Variants in PTPRA observed in about 807,000 individuals in gnomAD.
PTPRA encodes receptor-type tyrosine-protein phosphatase alpha.
PTPRA carries 25 observed loss-of-function variants against 104.8 expected under a neutral mutation model. That is an observed-to-expected ratio of 0.24 (90% CI 0.17 to 0.33). The LOEUF (loss-of-function observed/expected upper bound fraction) is 0.33. Among genes scored for constraint, PTPRA ranks in the 10% least tolerant of loss-of-function variants. The probability of loss-of-function intolerance (pLI) is 1.00; values close to 1 mark genes in which losing one functional copy is unlikely to be tolerated. For missense variants in PTPRA, 765 were observed against 1,015.3 expected, an observed-to-expected ratio of 0.75 and a Z score of 3.35; for synonymous variants, 323 against 368.9, an observed-to-expected ratio of 0.88 and a Z score of 1.43.
chr20:2,998,574 C>T (rs576266928), intron 9 of PTPRA, among the ~76,000 whole-genome samples: 98 of 152,156 alleles, frequency 6.4e-4, no homozygotes, highest in Middle Eastern at 6.8e-3. Context: ...TTGCTTAGTA[C>T]GAGGGAAATG....
chr20:3,017,852 T>C lies in PTPRA; in HGVS notation c.980T>C (p.Met327Thr), dbSNP rs779302374. The change falls in exon 13 of 24, where the codon ATG becomes ACG. Residue 327 changes from methionine to threonine, a missense_variant. Transcript: ENST00000399903. ...KEETVNDFWR[M>T]IWEQNTATIV... ...GAAACGGTGAATGATTTCTGGCGGA[T>C]GATCTGGGAACAAAACACAGCCACC... 4 of 1,614,192 alleles carry C rather than the reference T, an allele frequency of 2.5e-6. No individual in the cohort carries two copies. The Admixed American group carries it at 5.0e-5, about 20-fold the overall frequency.
chr20:2,905,690 CTTTTTTTTTTT>C (rs11479039), intron 1 of PTPRA, among the ~76,000 whole-genome samples: 9 of 70,634 alleles, frequency 1.3e-4, no homozygotes, highest in Admixed American at 4.3e-4. Flanking sequence ...TCATAAAATT[CTTTTTTTTTTT>C]TTTTTTTTTT....
At chr20:2,946,114 G>A (rs1308552276) in intron 2 of PTPRA, among the ~76,000 whole-genome samples, 1 of 152,086 alleles carries the variant, frequency 6.6e-6, no homozygotes, top group East Asian at 1.9e-4. Context: ...GACAGGTTTT[G>A]TTTAAGCCAA....
At chr20:2,910,025 CATATATCATATCATATATAAT>C (rs1368967666) in intron 1 of PTPRA, among the ~76,000 whole-genome samples, 2 of 80,956 alleles carry the variant, frequency 2.5e-5, no homozygotes, top group East Asian at 2.9e-4. Context: ...TATAATCTAT[CATATATCATATCATATATAAT>C]ATATATCATA....
chr20:3,024,362 C>A, intron 16 of PTPRA, 110 bp from the exon 17 acceptor site: 1 of 1,177,112 alleles, frequency 8.5e-7, no homozygotes, highest in Non-Finnish European at 1.2e-6. Flanking sequence ...TTTATTCCTG[C>A]TAGGATCAAA....
intron 5 of PTPRA, among the ~76,000 whole-genome samples, chr20:2,972,487 G>A (rs1568676534): frequency 6.6e-6 from 1 of 152,198 alleles, no homozygotes; most frequent in African/African-American, 2.4e-5. Flanking sequence ...ATAGGCATGA[G>A]CCAAGGCCGC....
Position 2,950,621 on chromosome 20 carries a change from C to T in PTPRA, c.-7+2597C>T, listed in dbSNP as rs897094686. The stretch of plus-strand genomic sequence containing the variant: ...TCGCACCACTGCACTCCAGCCTGGG[C>T]GACAGAGCGAGACTCCATCTCAAAA... On this transcript the variant is annotated intron_variant, in intron 3 of 23. Coordinates refer to ENST00000399903, the MANE Select transcript of PTPRA (RefSeq NM_001385305.1). The surrounding 1 kb of genome is among the most constrained non-coding windows in gnomAD (Gnocchi z 4.0). Among the ~76,000 whole-genome samples the T allele has an allele frequency of 2.0e-5, 3 of 150,674 alleles. No individual in the cohort carries two copies. The highest frequency in any genetic ancestry group is 3.0e-5 in the Non-Finnish European group (2 of 67,764).
chr20:3,000,254 C>T (rs908319167), intron 9 of PTPRA, among the ~76,000 whole-genome samples: 2 of 152,136 alleles, frequency 1.3e-5, no homozygotes, highest in Non-Finnish European at 2.9e-5. Flanking sequence ...CGCCACTGCA[C>T]TCCAGTCTGG....
At chr20:2,908,517 C>T (rs564515353) in intron 1 of PTPRA, among the ~76,000 whole-genome samples, 18 of 152,162 alleles carry the variant, frequency 1.2e-4, no homozygotes, top group African/African-American at 3.4e-4. Context: ...AAGGGATGAC[C>T]GTAGAGTCAT....
At chr20:2,882,112 A>AT (rs926002151) in intron 1 of PTPRA, among the ~76,000 whole-genome samples, 43 of 152,346 alleles carry the variant, frequency 2.8e-4, no homozygotes, top group African/African-American at 6.0e-4. Flanking sequence ...ATGGAAAATA[A>AT]TTTTGTCAGG....
intron 6 of PTPRA, among the ~76,000 whole-genome samples, chr20:2,976,045 C>G (rs1208198269): frequency 6.6e-6 from 1 of 152,144 alleles, no homozygotes; most frequent in African/African-American, 2.4e-5. Context: ...TGAAGTCCCA[C>G]TAAGTAGGGA....
At chr20:3,004,223 A>G (rs1013971631) in intron 9 of PTPRA, among the ~76,000 whole-genome samples, 3 of 151,474 alleles carry the variant, frequency 2.0e-5, no homozygotes, top group Non-Finnish European at 4.4e-5. Flanking sequence ...TCGCCTTGTT[A>G]GCCAGGCTGG....
intron 2 of PTPRA, among the ~76,000 whole-genome samples, chr20:2,932,577 C>G (rs2060547202): frequency 6.6e-6 from 1 of 152,164 alleles, no homozygotes; most frequent in Middle Eastern, 3.2e-3. Flanking sequence ...GAATCTCTTC[C>G]TCTAGTCTAA....
intron 2 of PTPRA, among the ~76,000 whole-genome samples, chr20:2,930,339 C>T (rs1198568683): frequency 1.3e-5 from 2 of 152,076 alleles, no homozygotes; most frequent in Non-Finnish European, 2.9e-5. Context: ...AAGTAGAGTG[C>T]TTATGAAAGA....
At chr20:2,888,942 C>T (rs925759982) in intron 1 of PTPRA, among the ~76,000 whole-genome samples, 1 of 152,136 alleles carries the variant, frequency 6.6e-6, no homozygotes, top group Non-Finnish European at 1.5e-5. Context: ...GAGCTCAATT[C>T]GGTTTCCCCA....
At chr20:2,892,121 C>A (rs2058821771) in intron 1 of PTPRA, among the ~76,000 whole-genome samples, 1 of 151,722 alleles carries the variant, frequency 6.6e-6, no homozygotes, top group South Asian at 2.1e-4. Context: ...GAAACCGTGT[C>A]TCTACTAAAA....
chr20:2,946,795 C>T (rs2061149578), intron 2 of PTPRA, among the ~76,000 whole-genome samples: 1 of 151,814 alleles, frequency 6.6e-6, no homozygotes, highest in Admixed American at 6.6e-5. Flanking sequence ...TTGCAGTGAG[C>T]CGAGATCACG....
At chr20:2,897,419 G>A (rs147050647) in intron 1 of PTPRA, among the ~76,000 whole-genome samples, 5,481 of 130,540 alleles carry the variant, frequency 0.042, 266 homozygotes, top group Admixed American at 0.13. Context: ...ACGGAGTCTC[G>A]CTTTGTCACC....
intron 2 of PTPRA, among the ~76,000 whole-genome samples, chr20:2,931,034 A>C (rs2147503527): frequency 6.6e-6 from 1 of 152,304 alleles, no homozygotes; most frequent in Non-Finnish European, 1.5e-5. Context: ...CTGCACTGGA[A>C]GTCAGTAGAC....
Sources: gnomAD v4.1 joint callset for allele counts (sites outside exome capture counted in the v4.1 genomes callset) on GRCh38, gnomAD v4.1.1 for gene constraint, Gnocchi (gnomAD v3.1) non-coding constraint, MANE v1.5 for transcripts, NCBI Gene and HGNC (gene_info 2026-07-23, HGNC 2026-07-21) for gene names.